Variants in ARF3 observed in about 807,000 individuals in gnomAD.
The protein encoded by ARF3 is ADP-ribosylation factor 3.
In ARF3, 5 loss-of-function variants were observed where a neutral mutation model predicts 19.3. The ratio of observed to expected loss-of-function variants is 0.26; its 90% CI spans 0.14 to 0.54. The LOEUF (loss-of-function observed/expected upper bound fraction) is 0.54, where lower values mean the gene tolerates loss of function less well. ARF3 is among the 20% of genes least tolerant of loss of function. ARF3 has a pLI of 0.95. For missense variants in ARF3, 77 were observed against 234.2 expected (o/e 0.33, Z 4.38); for synonymous variants, 71 against 89.2 (o/e 0.80, Z 1.15).
chr12:48,951,023 G>A (rs1940458515), intron 1 of ARF3, among the ~76,000 whole-genome samples: 1 of 152,028 alleles, frequency 6.6e-6, no homozygotes, highest in Admixed American at 6.5e-5. Context: ...CTGACCTCAA[G>A]TGATCCACCT....
rs1940190491 is a variant in ARF3 at position 48,938,463 on chromosome 12, T to C, written c.*484A>G. 1 of 447,162 alleles carries C rather than the reference T, an allele frequency of 2.2e-6. No homozygotes were observed. Among genetic ancestry groups the C allele is most frequent in the Non-Finnish European group, 4.5e-6 (1 of 223,600 alleles). The allele number at this position is 447,162 out of a possible 1,614,324, so 27.7% of individuals were successfully genotyped here. A position where few individuals can be genotyped will look rare whatever the true frequency, so the allele number is the denominator to read the frequency against. On this transcript the variant is annotated 3_prime_UTR_variant, in exon 5 of 5. Transcript: ENST00000256682. The stretch of plus-strand genomic sequence containing the variant: ...CGGCCCCCACAAATATATCTCTCTA[T>C]ACATGTATATACAGGCGCACACATG...
chr12:48,948,875 A>G (rs1451716527), intron 1 of ARF3, among the ~76,000 whole-genome samples: 2 of 152,194 alleles, frequency 1.3e-5, no homozygotes, highest in Non-Finnish European at 2.9e-5. Flanking sequence ...GGACTGGATC[A>G]TGAAGGGCTT....
At chr12:48,944,788 G>C (rs1940326691) in intron 1 of ARF3, among the ~76,000 whole-genome samples, 1 of 152,216 alleles carries the variant, frequency 6.6e-6, no homozygotes, top group Non-Finnish European at 1.5e-5. Context: ...AGGACTAGAA[G>C]ACTAGAATTG....
chr12:48,939,614 G>C lies in ARF3; in HGVS notation c.384+41C>G. Reference sequence around the variant, plus strand: ...CAAGAGCCAACAATTTCCACAGCCAGTTTGCTGTCTCCCAAATTCAGGGGT... The same window carrying C: ...CAAGAGCCAACAATTTCCACAGCCACTTTGCTGTCTCCCAAATTCAGGGGT... On this transcript the variant is annotated intron_variant, in intron 4 of 4. Transcript: ENST00000256682. This position sits in a 1 kb window ranked among gnomAD's most constrained non-coding sequence, Gnocchi z 4.8. 6.2e-7 allele frequency: 1 copy of C among 1,613,208 alleles called. No homozygotes were observed. Among genetic ancestry groups the C allele is most frequent in the Non-Finnish European group, 8.5e-7 (1 of 1,179,266 alleles).
intron 1 of ARF3, among the ~76,000 whole-genome samples, chr12:48,949,568 A>G (rs941295193): frequency 1.3e-5 from 2 of 151,712 alleles, no homozygotes; most frequent in South Asian, 2.1e-4. Flanking sequence ...TTAGAAACAG[A>G]GTCTCACTCT....
Position 48,939,913 on chromosome 12 carries a change from C to T in ARF3, c.259+84G>A. 6.3e-7 allele frequency: 1 copy of T among 1,583,686 alleles called. No homozygotes were observed. The highest frequency in any genetic ancestry group is 8.7e-7 in the Non-Finnish European group (1 of 1,153,194). On this transcript the variant is annotated intron_variant, in intron 3 of 4. Coordinates refer to ENST00000256682, the MANE Select transcript of ARF3 (RefSeq NM_001659.3). This position sits in a 1 kb window ranked among gnomAD's most constrained non-coding sequence, Gnocchi z 4.8. ...TTTCTTCTGCCCCCAGGAGCTGCAG[C>T]AGGGTAACAGTTGGCCACCCATTAA...
In ARF3 at chr12:48,939,699, C is replaced by T; in HGVS notation, c.340G>A (p.Asp114Asn). Residue 114 changes from aspartate to asparagine, a missense_variant, in exon 4 of 5, where the codon GAC becomes AAC. Coordinates refer to ENST00000256682, the MANE Select transcript of ARF3 (RefSeq NM_001659.3). This position sits in a 1 kb window ranked among gnomAD's most constrained non-coding sequence, Gnocchi z 4.8. ...REELMRMLAE[D>N]ELRDAVLLVF... is the part of the protein sequence containing the mutation. ...AGGAGTACAGCATCCCGGAGCTCGT[C>T]CTCCGCCAGCATTCTCATCAGCTCT... The T allele has an allele frequency of 1.2e-6, 2 of 1,614,176 alleles. No homozygotes were observed. Among genetic ancestry groups the T allele is most frequent in the Non-Finnish European group, 1.7e-6 (2 of 1,180,032 alleles).
Position 48,940,994 on chromosome 12 carries a change from T to C in ARF3, c.102A>G (p.Leu34=), listed in dbSNP as rs778325471. Residue 34 remains leucine, a synonymous_variant, in exon 2 of 5, where the codon CTA becomes CTG. Transcript: ENST00000256682. ...GLDAAGKTTI[L]YKLKLGEIVT... is the part of the protein sequence containing the mutation. ...CGATCTCCCCGAGTTTCAGCTTGTA[T>C]AGGATGGTGGTCTTTCCTGCGGCAT... The C allele has an allele frequency of 1.9e-6, 3 of 1,613,404 alleles. No homozygotes were observed. Among genetic ancestry groups the C allele is most frequent in the South Asian group, 2.2e-5 (2 of 91,020 alleles).
intron 1 of ARF3, among the ~76,000 whole-genome samples, chr12:48,955,162 T>G (rs1940540162): frequency 6.6e-6 from 1 of 152,160 alleles, no homozygotes; most frequent in Non-Finnish European, 1.5e-5. Flanking sequence ...AAGAGTAGGG[T>G]GAACACACAC....
chr12:48,938,939 TCTGG>T lies in ARF3; in HGVS notation c.*4_*7del. 3 of 1,611,560 alleles carry T rather than the reference TCTGG, an allele frequency of 1.9e-6. No homozygotes were observed. Among genetic ancestry groups the T allele is most frequent in the African/African-American group, 1.3e-5 (1 of 74,952 alleles). On this transcript the variant is annotated 3_prime_UTR_variant, in exon 5 of 5. Coordinates refer to ENST00000256682, the MANE Select transcript of ARF3 (RefSeq NM_001659.3). ...TGGGTGGGGTGCTTTGTTAGGGCTG[TCTGG>T]CTTTCACTTCTTGTTTTTGAGCTGA... is the stretch of plus-strand genomic sequence containing the variant.
intron 1 of ARF3, among the ~76,000 whole-genome samples, chr12:48,941,932 G>A (rs1261465753): frequency 6.6e-6 from 1 of 152,172 alleles, no homozygotes; most frequent in African/African-American, 2.4e-5. Context: ...CCCATCCAAG[G>A]AGGGGGCTGT....
chr12:48,954,406 A>G (rs1940524287), intron 1 of ARF3, among the ~76,000 whole-genome samples: 2 of 152,204 alleles, frequency 1.3e-5, no homozygotes, highest in Admixed American at 1.3e-4. Flanking sequence ...CTGAGTGTTC[A>G]TATTATTAGG....
rs1460498300 is a variant in ARF3, at chr12:48,938,525, A to G, written c.*422T>C. ...AGAGAGGCCCGTGCAATTTCCATGT[A>G]AAACAGGGAGAGGGTGGCAAAGGAA... On this transcript the variant is annotated 3_prime_UTR_variant, in exon 5 of 5. Transcript: ENST00000256682. The G allele has an allele frequency of 2.2e-6, 1 of 453,540 alleles. No individual in the cohort carries two copies. The highest frequency in any genetic ancestry group is 1.6e-5 in the South Asian group (1 of 64,176). 28.1% of individuals were successfully genotyped at this position (453,540 alleles called of 1,614,324 possible). A position where few individuals can be genotyped will look rare whatever the true frequency, so the allele number is the denominator to read the frequency against.
At chr12:48,945,015 T>C (rs1262572234) in intron 1 of ARF3, among the ~76,000 whole-genome samples, 1 of 147,206 alleles carries the variant, frequency 6.8e-6, no homozygotes, top group Admixed American at 7.0e-5. Flanking sequence ...CTGGGCATGG[T>C]GGTGCGCGCC....
In ARF3 at chr12:48,936,235, C is replaced by G. The variant is rs1011442225; in HGVS notation, c.*2712G>C. On this transcript the variant is annotated 3_prime_UTR_variant, in exon 5 of 5. Transcript: ENST00000256682. ...GCATAAAACAAGTTTAATTTCCAAC[C>G]AGGGTCACAGTCATCGCGTTATCCC... is the stretch of plus-strand genomic sequence containing the variant. 6.6e-6 allele frequency: 1 copy of G among 152,628 alleles called. No homozygotes were observed. The highest frequency in any genetic ancestry group is 1.5e-5 in the Non-Finnish European group (1 of 68,046). 9.5% of individuals were successfully genotyped at this position (152,628 alleles called of 1,614,324 possible). A position where few individuals can be genotyped will look rare whatever the true frequency, so the allele number is the denominator to read the frequency against.
chr12:48,943,242 C>A (rs1233428901), intron 1 of ARF3, among the ~76,000 whole-genome samples: 1 of 152,196 alleles, frequency 6.6e-6, no homozygotes, highest in Non-Finnish European at 1.5e-5. Flanking sequence ...GAATCAGATT[C>A]ATTCATTCAT....
chr12:48,949,294 C>T lies in ARF3; in HGVS notation c.-94+8016G>A, dbSNP rs540285206. Among the ~76,000 whole-genome samples, 5 of 152,166 alleles carry T rather than the reference C, an allele frequency of 3.3e-5. No homozygotes were observed. In the East Asian group the frequency reaches 7.7e-4, roughly 24 times the overall value. ...GGGTTGCAGTGCAGTGGCGCGATCT[C>T]GGCTCACTGCAAGCTCTGCCTCCCG... On this transcript the variant is annotated intron_variant, in intron 1 of 4. Coordinates refer to ENST00000256682, the MANE Select transcript of ARF3 (RefSeq NM_001659.3).
intron 1 of ARF3, among the ~76,000 whole-genome samples, chr12:48,948,902 T>A (rs1940411602): frequency 6.6e-6 from 1 of 151,774 alleles, no homozygotes; most frequent in Non-Finnish European, 1.5e-5. Context: ...CCATGCTGAG[T>A]AACGTGATCA....
chr12:48,938,869 G>A lies in ARF3; in HGVS notation c.*78C>T, dbSNP rs1403782933. On this transcript the variant is annotated 3_prime_UTR_variant, in exon 5 of 5. Coordinates refer to ENST00000256682, the MANE Select transcript of ARF3 (RefSeq NM_001659.3). The stretch of plus-strand genomic sequence containing the variant: ...GGCCCTGGCCACACTTGCATGGAGA[G>A]GAAGGGGTAGGACTGGGGCAGGGTG... 1.9e-6 allele frequency: 3 copies of A among 1,545,704 alleles called. No individual in the cohort carries two copies. Among genetic ancestry groups the A allele is most frequent in the Non-Finnish European group, 1.8e-6 (2 of 1,140,142 alleles).
Sources: gnomAD v4.1 joint callset for allele counts (sites outside exome capture counted in the v4.1 genomes callset) on GRCh38, gnomAD v4.1.1 for gene constraint, Gnocchi (gnomAD v3.1) non-coding constraint, MANE v1.5 for transcripts, NCBI Gene and HGNC (gene_info 2026-07-23, HGNC 2026-07-21) for gene names.